Variants in RANBP2 observed in about 807,000 individuals in gnomAD.
The protein encoded by RANBP2 is RAN binding protein 2, also known as E3 SUMO-protein ligase RanBP2.
In RANBP2, 57 loss-of-function variants were observed where a neutral mutation model predicts 303.6. The observed-to-expected ratio is 0.19, with a 90% confidence interval of 0.15 to 0.23. RANBP2 has a LOEUF of 0.23. RANBP2 is among the 10% of genes least tolerant of loss of function. RANBP2 has a pLI of 1.00. For missense variants in RANBP2, 3,138 were observed against 3,780.8 expected (o/e 0.83, Z 4.46); for synonymous variants, 1,167 against 1,301.5 (o/e 0.90, Z 2.23).
the RANBP2 span, among the ~76,000 whole-genome samples, chr2:109,121,365 T>A: frequency 1.3e-5 from 2 of 152,190 alleles, no homozygotes; most frequent in African/African-American, 4.8e-5. Context: ...TAATTTTAAC[T>A]CCTTTCTAGG....
chr2:109,630,744 A>C, the RANBP2 span, among the ~76,000 whole-genome samples: 8,670 of 152,252 alleles, frequency 0.057, 691 homozygotes, highest in East Asian at 0.24. Flanking sequence ...GGTAATGTTG[A>C]GGGATGGATA....
At chr2:109,639,962 C>T in the RANBP2 span, among the ~76,000 whole-genome samples, 28,994 of 151,620 alleles carry the variant, frequency 0.19, 3,441 homozygotes, top group African/African-American at 0.33. Flanking sequence ...CCACCCACCT[C>T]GGCCTCCCAA....
At chr2:109,531,746 T>C in the RANBP2 span, among the ~76,000 whole-genome samples, 1 of 152,194 alleles carries the variant, frequency 6.6e-6, no homozygotes, top group African/African-American at 2.4e-5. Flanking sequence ...TTCTAGAATT[T>C]AGATAAAGAC....
the RANBP2 span, among the ~76,000 whole-genome samples, chr2:108,914,851 G>A: frequency 1.3e-5 from 2 of 152,192 alleles, no homozygotes; most frequent in Non-Finnish European, 2.9e-5. Flanking sequence ...GAATGGCCCA[G>A]CACTGTGCCT....
chr2:108,773,596 C>T (rs181294279), intron 23 of RANBP2, among the ~76,000 whole-genome samples: 185 of 151,120 alleles, frequency 1.2e-3, no homozygotes, highest in African/African-American at 4.4e-3. Context: ...ATCAATTTTC[C>T]GAAATTGATC....
At chr2:108,755,646 G>T (rs1444789767) in intron 17 of RANBP2, among the ~76,000 whole-genome samples, 1 of 152,024 alleles carries the variant, frequency 6.6e-6, no homozygotes, top group Non-Finnish European at 1.5e-5. Flanking sequence ...TCCTGCTTCA[G>T]CCTCCCAAAG....
At chr2:109,422,628 G>A in the RANBP2 span, among the ~76,000 whole-genome samples, 339 of 152,182 alleles carry the variant, frequency 2.2e-3, no homozygotes, top group Non-Finnish European at 4.1e-3. Context: ...GGGCTTGTCC[G>A]CCATTCCTCT....
At chr2:109,469,862 G>A in the RANBP2 span, among the ~76,000 whole-genome samples, 7 of 152,330 alleles carry the variant, frequency 4.6e-5, no homozygotes, top group South Asian at 2.1e-4. Flanking sequence ...GGGGCCAGGC[G>A]TTTGTCCACT....
chr2:108,817,195 C>A, the RANBP2 span, among the ~76,000 whole-genome samples: 1 of 152,104 alleles, frequency 6.6e-6, no homozygotes, highest in Non-Finnish European at 1.5e-5. Flanking sequence ...ACTTTTTAAA[C>A]CAGAAGGATT....
chr2:109,668,155 G>T, the RANBP2 span, among the ~76,000 whole-genome samples: 2 of 152,364 alleles, frequency 1.3e-5, no homozygotes, highest in Middle Eastern at 3.4e-3. Flanking sequence ...GAGGAGAAAT[G>T]AAGCCTGCAA....
At chr2:109,496,230 C>T in the RANBP2 span, among the ~76,000 whole-genome samples, 3 of 152,086 alleles carry the variant, frequency 2.0e-5, no homozygotes, top group South Asian at 2.1e-4. Context: ...TGCTGATTGG[C>T]GCGTTTTACA....
chr2:109,671,569 G>A, the RANBP2 span, among the ~76,000 whole-genome samples: 3 of 152,208 alleles, frequency 2.0e-5, no homozygotes, highest in Non-Finnish European at 4.4e-5. Flanking sequence ...TCTGGAGGGT[G>A]CCCTCCTCCT....
chr2:109,520,791 C>T, the RANBP2 span, among the ~76,000 whole-genome samples: 2 of 134,710 alleles, frequency 1.5e-5, 1 homozygote, highest in East Asian at 4.2e-4. Context: ...ATTAGCCGGG[C>T]GTGGTGGTGG....
chr2:108,835,488 C>T, the RANBP2 span, among the ~76,000 whole-genome samples: 9 of 152,084 alleles, frequency 5.9e-5, no homozygotes, highest in Admixed American at 6.5e-5. Context: ...CTGATAACAG[C>T]GATATGATAA....
chr2:109,720,011 C>T, the RANBP2 span, among the ~76,000 whole-genome samples: 51 of 152,248 alleles, frequency 3.3e-4, no homozygotes, highest in Middle Eastern at 0.017. Flanking sequence ...GACTCGTGAT[C>T]GGCTGCACCT....
At chr2:109,691,655 G>A in the RANBP2 span, among the ~76,000 whole-genome samples, 4 of 152,226 alleles carry the variant, frequency 2.6e-5, no homozygotes, top group Non-Finnish European at 1.5e-5. Context: ...GGTAAGGAGG[G>A]GATAGGGAGG....
chr2:109,107,599 T>C, the RANBP2 span, among the ~76,000 whole-genome samples: 1 of 152,190 alleles, frequency 6.6e-6, no homozygotes, highest in Non-Finnish European at 1.5e-5. Context: ...TTTATAGGGT[T>C]TGCTTTTGAA....
the RANBP2 span, among the ~76,000 whole-genome samples, chr2:109,008,081 G>A: frequency 1.3e-5 from 2 of 152,280 alleles, no homozygotes; most frequent in African/African-American, 4.8e-5. Context: ...GCATTTTACG[G>A]AACTGGCCCC....
the RANBP2 span, among the ~76,000 whole-genome samples, chr2:109,705,074 AAAATAAAT>A: frequency 0.74 from 107,149 of 144,834 alleles, 42,388 homozygotes; most frequent in East Asian, 0.96. Context: ...ACTCCCTCTC[AAAATAAAT>A]AAATAAATAA....
Sources: allele counts gnomAD v4.1 joint callset (sites outside exome capture counted in the v4.1 genomes callset), GRCh38; gene constraint gnomAD v4.1.1; transcripts MANE v1.5; gene names NCBI Gene and HGNC (gene_info 2026-07-23, HGNC 2026-07-21).